NDUFAF6: variants seen among roughly 807,000 people sequenced by gnomAD.
NDUFAF6 encodes the protein NADH:ubiquinone oxidoreductase complex assembly factor 6, also known as NADH dehydrogenase (ubiquinone) complex I, assembly factor 6.
Under a neutral mutation model 40.8 loss-of-function variants are expected in NDUFAF6, and 45 were observed. The observed-to-expected ratio is 1.10, with a 90% CI of 0.87 to 1.42. The LOEUF (loss-of-function observed/expected upper bound fraction) is 1.42. NDUFAF6 is among the 40% of genes most tolerant of loss of function. The pLI, the probability that NDUFAF6 is intolerant of heterozygous loss-of-function variation, is 0.00. For missense variants in NDUFAF6, 435 were observed against 418.5 expected, an observed-to-expected ratio of 1.04 and a Z score of -0.34; for synonymous variants, 185 against 155.9, an observed-to-expected ratio of 1.19 and a Z score of -1.39.
chr8:94,952,512 G>A (rs1473861057), intron 2 of NDUFAF6, among the ~76,000 whole-genome samples: 1 of 152,182 alleles, frequency 6.6e-6, no homozygotes, highest in African/African-American at 2.4e-5. Flanking sequence ...TTTTTAAATT[G>A]CATTTTAGAT....
intron 2 of NDUFAF6, among the ~76,000 whole-genome samples, chr8:95,081,296 T>G (rs1395464440): frequency 6.6e-6 from 1 of 151,644 alleles, no homozygotes. Flanking sequence ...TCTCAGCCTC[T>G]GGAGCCGTTG....
intron 2 of NDUFAF6, among the ~76,000 whole-genome samples, chr8:95,001,197 C>T (rs1826718511): frequency 6.6e-6 from 1 of 152,042 alleles, no homozygotes; most frequent in Admixed American, 6.6e-5. Flanking sequence ...CTCAAGTGAT[C>T]CTCCCTACTT....
chr8:94,943,682 T>C (rs1821753252), intron 1 of NDUFAF6, among the ~76,000 whole-genome samples: 1 of 152,246 alleles, frequency 6.6e-6, no homozygotes, highest in Admixed American at 6.5e-5. Flanking sequence ...CAGTTCCTTG[T>C]GTGTAAACTG....
intron 2 of NDUFAF6, among the ~76,000 whole-genome samples, chr8:94,948,262 G>A (rs560551574): frequency 2.0e-5 from 3 of 152,284 alleles, no homozygotes; most frequent in African/African-American, 7.2e-5. Flanking sequence ...TTGGCTGTGT[G>A]GCCTTGAGCA....
chr8:94,997,341 CACAGAG>C (rs1178600635), intron 2 of NDUFAF6, among the ~76,000 whole-genome samples: 257 of 91,872 alleles, frequency 2.8e-3, no homozygotes, highest in Admixed American at 5.7e-3. Flanking sequence ...CACACACACA[CACAGAG>C]AGAGAGAGAG....
intron 2 of NDUFAF6, chr8:94,951,294 T>G (rs1822592583): frequency 6.6e-6 from 1 of 152,214 alleles, no homozygotes; most frequent in Non-Finnish European, 1.5e-5. Flanking sequence ...AAGTTCCAGC[T>G]CCAGCAGACA....
chr8:94,895,828 G>C (rs1304435752), exon 1 of NDUFAF6: 2 of 152,398 alleles, frequency 1.3e-5, no homozygotes, highest in Admixed American at 6.5e-5. Context: ...GGCCAAGTGC[G>C]GCTCTGCTCT....
intron 2 of NDUFAF6, among the ~76,000 whole-genome samples, chr8:95,088,739 TTTTCTTGTTTTTA>T (rs766803621): frequency 0.35 from 50,726 of 143,212 alleles, 9,616 homozygotes; most frequent in East Asian, 0.55. Context: ...TTTCTTTTTG[TTTTCTTGTTTTTA>T]TTTTATTTTA....
chr8:95,078,417 G>A (rs1808701071), downstream of NDUFAF6: 2 of 152,106 alleles, frequency 1.3e-5, no homozygotes, highest in Admixed American at 1.3e-4. Flanking sequence ...GCCAGGGCAG[G>A]AGGATCGCTT....
chr8:95,059,347 GTTCA>G (rs1832508347), downstream of NDUFAF6, among the ~76,000 whole-genome samples: 1 of 152,122 alleles, frequency 6.6e-6, no homozygotes, highest in Non-Finnish European at 1.5e-5. Context: ...AGAATGCATT[GTTCA>G]TTCATCTTGA....
At chr8:94,951,940 C>G (rs532594303) in intron 2 of NDUFAF6, among the ~76,000 whole-genome samples, 2 of 152,330 alleles carry the variant, frequency 1.3e-5, no homozygotes, top group South Asian at 4.1e-4. Flanking sequence ...CATCTGTTCA[C>G]TGACAAAGAC....
intron 2 of NDUFAF6, chr8:94,988,858 G>A (rs555913244): frequency 7.2e-5 from 11 of 152,342 alleles, no homozygotes; most frequent in African/African-American, 2.6e-4. Context: ...CTGTGAGAAG[G>A]AATGAAGTAT....
intron 7 of NDUFAF6, among the ~76,000 whole-genome samples, chr8:95,051,821 A>C (rs1220179847): frequency 6.6e-6 from 1 of 152,192 alleles, no homozygotes; most frequent in African/African-American, 2.4e-5. Flanking sequence ...TTACTCATTT[A>C]AACAGGAGAG....
At chr8:94,919,851 G>A (rs1490657279) in intron 1 of NDUFAF6, among the ~76,000 whole-genome samples, 1 of 152,196 alleles carries the variant, frequency 6.6e-6, no homozygotes, top group Non-Finnish European at 1.5e-5. Flanking sequence ...TGTAAACCAA[G>A]CAAGTTAGCA....
At chr8:94,907,499 T>C (rs1298408956) in intron 1 of NDUFAF6, among the ~76,000 whole-genome samples, 1 of 152,198 alleles carries the variant, frequency 6.6e-6, no homozygotes, top group Non-Finnish European at 1.5e-5. Flanking sequence ...ATATGAATGG[T>C]GTTTGAAAAT....
At chr8:94,950,211 A>G (rs1249115452) in intron 2 of NDUFAF6, 1 of 152,280 alleles carries the variant, frequency 6.6e-6, no homozygotes, top group Non-Finnish European at 1.5e-5. Context: ...TTCTGTTTGC[A>G]TACCTGCAAA....
At chr8:95,086,841 G>A (rs1306048861) in intron 2 of NDUFAF6, among the ~76,000 whole-genome samples, 1 of 151,998 alleles carries the variant, frequency 6.6e-6, no homozygotes, top group African/African-American at 2.4e-5. Context: ...CTGACTTCGT[G>A]ATCCGCCCGC....
At chr8:95,017,474 A>G (rs1827511449) in intron 2 of NDUFAF6, among the ~76,000 whole-genome samples, 1 of 152,204 alleles carries the variant, frequency 6.6e-6, no homozygotes, top group African/African-American at 2.4e-5. Context: ...TGGTCCATAC[A>G]GGTCAGCCCT....
At chr8:95,037,596 C>T (rs891223814) in intron 3 of NDUFAF6, among the ~76,000 whole-genome samples, 24 of 152,292 alleles carry the variant, frequency 1.6e-4, no homozygotes, top group African/African-American at 5.8e-4. Context: ...TAAGAACTAA[C>T]GCCTTTTTAA....
Sources: gnomAD v4.1 joint callset for allele counts (sites outside exome capture counted in the v4.1 genomes callset) on GRCh38, gnomAD v4.1.1 for gene constraint, MANE v1.5 for transcripts, NCBI Gene and HGNC (gene_info 2026-07-23, HGNC 2026-07-21) for gene names.